DST: variants seen among roughly 807,000 people sequenced by gnomAD.
DST encodes the protein bullous pemphigoid antigen.
A neutral mutation model predicts 875.2 loss-of-function variants in DST; 253 were observed. That is an observed-to-expected ratio of 0.29 (90% CI 0.26 to 0.32). The LOEUF (loss-of-function observed/expected upper bound fraction) is 0.32. DST is among the 10% of genes least tolerant of loss of function. The pLI, the probability that DST is intolerant of heterozygous loss-of-function variation, is 1.00. For missense variants in DST, 8,287 were observed against 9,111.6 expected (o/e 0.91, Z 3.68); for synonymous variants, 3,124 against 3,197.1 (o/e 0.98, Z 0.77).
chr6:56,730,125 A>C (rs542873301), intron 5 of DST, among the ~76,000 whole-genome samples: 1 of 152,346 alleles, frequency 6.6e-6, no homozygotes, highest in African/African-American at 2.4e-5. Flanking sequence ...GTATTGAAGA[A>C]TATATTTCCA....
chr6:56,560,389 T>C lies in DST; in HGVS notation c.14345A>G (p.Lys4782Arg). ...FEAELKQNVNKVQELKDKLTE... is the reference protein window; with the variant it reads ...FEAELKQNVNRVQELKDKLTE... ...CAATTTGTCTTTCAACTCCTGTACT[T>C]TGTTTACATTCTGCTTCAGTTCTGC... Residue 4782 changes from lysine (K) to arginine (R), a missense_variant, in exon 58 of 104, where the codon AAA becomes AGA. Physicochemically the swap from Lys to Arg is conservative, Grantham distance 26. Coordinates refer to ENST00000680361, the MANE Select transcript of DST (RefSeq NM_001374736.1). 1 of 1,603,596 alleles carries C rather than the reference T, an allele frequency of 6.2e-7. No homozygotes were observed. The highest frequency in any genetic ancestry group is 8.5e-7 in the Non-Finnish European group (1 of 1,174,054).
intron 4 of DST, among the ~76,000 whole-genome samples, chr6:56,845,038 G>A (rs1024183234): frequency 8.5e-5 from 13 of 152,134 alleles, no homozygotes; most frequent in African/African-American, 3.1e-4. Context: ...TTAGAATAAT[G>A]TCTGGTGTTA....
rs926489495 is a variant in DST at position 56,653,846 on chromosome 6, G to A, written c.1215-2602C>T. ...CATCCAGAAGACGCCTGTGCTGTGT[G>A]TGTCCTGTCCACCACCTTCTTTCTT... On this transcript the variant is annotated intron_variant, in intron 10 of 103. Coordinates refer to ENST00000680361, the MANE Select transcript of DST (RefSeq NM_001374736.1). Among the ~76,000 whole-genome samples the A allele has an allele frequency of 2.0e-4, 30 of 152,326 alleles. 1 individual carries two copies. In the South Asian group the frequency reaches 6.0e-3, roughly 30 times the overall value.
At chr6:56,656,304 G>A (rs1419466319) in intron 10 of DST, among the ~76,000 whole-genome samples, 5 of 152,196 alleles carry the variant, frequency 3.3e-5, no homozygotes, top group Non-Finnish European at 5.9e-5. Context: ...AACAAACAGC[G>A]GTGAAGTATA....
chr6:56,890,763 A>G (rs773630341), intron 3 of DST, among the ~76,000 whole-genome samples: 23 of 152,218 alleles, frequency 1.5e-4, no homozygotes, highest in Admixed American at 9.8e-4. Flanking sequence ...AAAACTGCAC[A>G]GTCACGCTTT....
intron 3 of DST, among the ~76,000 whole-genome samples, chr6:56,881,858 A>C (rs904561877): frequency 2.0e-5 from 3 of 152,194 alleles, no homozygotes; most frequent in Non-Finnish European, 4.4e-5. Context: ...CATTTTATTA[A>C]ATGGGTGGCT....
chr6:56,600,161 TAAG>T lies in DST; in HGVS notation c.11599_11601del (p.Leu3867del), dbSNP rs758234449. On this transcript the variant is annotated inframe_deletion, in exon 45 of 104. Transcript: ENST00000680361. ...CCAATTAGGCGGTTTTCAGTTTGGGTAAGAAGATCACATATCCCTTGGAGTTTC... is the reference window on the plus strand; with the variant it reads ...CCAATTAGGCGGTTTTCAGTTTGGGTAAGATCACATATCCCTTGGAGTTTC... 1 of 1,613,042 alleles carries T rather than the reference TAAG, an allele frequency of 6.2e-7. No individual in the cohort carries two copies. Among genetic ancestry groups the T allele is most frequent in the East Asian group, 2.2e-5 (1 of 44,858 alleles).
chr6:56,485,421 G>C lies in DST; in HGVS notation c.21098C>G (p.Ala7033Gly). Residue 7033 changes from alanine to glycine, a missense_variant, in exon 88 of 104, where the codon GCC becomes GGC. This residue lies in a region of DST where 1,292 missense variants were observed against 1,552.7 expected (regional missense o/e 0.83). Transcript: ENST00000680361. Reference protein sequence around the residue: ...ALLFSGQFTDALQALIDWLYR... With the variant: ...ALLFSGQFTDGLQALIDWLYR... ...TAACCAATCAATGAGAGCCTGTAGGGCATCTGTGAATTGTCCAGAAAATAA... is the reference window on the plus strand; with the variant it reads ...TAACCAATCAATGAGAGCCTGTAGGCCATCTGTGAATTGTCCAGAAAATAA... 6.2e-7 allele frequency: 1 copy of C among 1,613,892 alleles called. No individual in the cohort carries two copies.
chr6:56,774,499 A>G (rs1288823564), intron 4 of DST, among the ~76,000 whole-genome samples: 1 of 152,198 alleles, frequency 6.6e-6, no homozygotes, highest in Non-Finnish European at 1.5e-5. Context: ...CATTCAACAC[A>G]TATCAGTTCA....
At chr6:56,568,864 T>C (rs1206423627) in intron 54 of DST, among the ~76,000 whole-genome samples, 4 of 152,178 alleles carry the variant, frequency 2.6e-5, no homozygotes, top group Non-Finnish European at 2.9e-5. Flanking sequence ...AGGCTATTCC[T>C]GGCTGCTATG....
At chr6:56,741,045 C>G (rs2099545101) in intron 4 of DST, among the ~76,000 whole-genome samples, 1 of 152,040 alleles carries the variant, frequency 6.6e-6, no homozygotes, top group African/African-American at 2.4e-5. Flanking sequence ...TAGATTTCTT[C>G]TTTTCTAAGT....
At position 56,714,152 on chromosome 6, in the gene DST, G is replaced by A. The variant is rs1329802856; in HGVS notation, c.688-9783C>T. On this transcript the variant is annotated intron_variant, in intron 5 of 103. Coordinates refer to ENST00000680361, the MANE Select transcript of DST (RefSeq NM_001374736.1). This position sits in a 1 kb window ranked among gnomAD's most constrained non-coding sequence, Gnocchi z 4.5. ...TGACACTCCATGTCCCCAGTACCAC[G>A]ATTCATATTTTTCTAAAATAAAACC... Among the ~76,000 whole-genome samples, 5 of 152,092 alleles carry A rather than the reference G, an allele frequency of 3.3e-5. No homozygotes were observed. The East Asian group carries it at 5.8e-4, about 18-fold the overall frequency.
At chr6:56,640,082 T>A in intron 18 of DST, 25 bp from the exon 19 acceptor site, 1 of 1,613,920 alleles carries the variant, frequency 6.2e-7, no homozygotes, top group South Asian at 1.1e-5. Context: ...ATACTAAGTT[T>A]AAAAAAGAAA....
chr6:56,791,333 A>C (rs947695721), intron 4 of DST, among the ~76,000 whole-genome samples: 2 of 152,214 alleles, frequency 1.3e-5, no homozygotes, highest in Non-Finnish European at 2.9e-5. Context: ...TGTATTGTGT[A>C]TATTGTAGGT....
chr6:56,602,766 CAAAG>C, intron 43 of DST, 112 bp downstream of exon 43: 2 of 743,852 alleles, frequency 2.7e-6, no homozygotes, highest in East Asian at 3.1e-5. Context: ...TCTCTAGAGA[CAAAG>C]AAAGGAAATA....
intron 4 of DST, among the ~76,000 whole-genome samples, chr6:56,770,688 A>G (rs1389251791): frequency 6.6e-6 from 1 of 152,110 alleles, no homozygotes; most frequent in Admixed American, 6.5e-5. Flanking sequence ...CTTACAGTAA[A>G]ACCTGCTGCC....
chr6:56,832,126 CA>C lies in DST; in HGVS notation c.625+19270del, dbSNP rs1055057192. On this transcript the variant is annotated intron_variant, in intron 4 of 103. Coordinates refer to ENST00000680361, the MANE Select transcript of DST (RefSeq NM_001374736.1). ...TCCTTCAGTCCTGCTTTAGACCTTC[CA>C]AAAAGGTTCAAAGAAAAAGTATAAA... Among the ~76,000 whole-genome samples the C allele has an allele frequency of 2.6e-4, 39 of 152,008 alleles. 1 individual carries two copies. Among genetic ancestry groups the C allele is most frequent in the Non-Finnish European group, 8.8e-5 (6 of 67,984 alleles).
At chr6:56,533,281 C>T (rs2096929292) in intron 63 of DST, among the ~76,000 whole-genome samples, 1 of 152,200 alleles carries the variant, frequency 6.6e-6, no homozygotes. Context: ...CTAATCTAAT[C>T]AAACAAATGG....
At chr6:56,834,362 GC>G (rs1304255323) in intron 4 of DST, among the ~76,000 whole-genome samples, 3 of 152,230 alleles carry the variant, frequency 2.0e-5, no homozygotes, top group African/African-American at 7.2e-5. Context: ...ACTTTGGGAG[GC>G]CAAGGCGGGC....
Sources: gnomAD v4.1 joint callset for allele counts (sites outside exome capture counted in the v4.1 genomes callset) on GRCh38, gnomAD v4.1.1 for gene constraint, gnomAD v4.1.1 regional missense constraint, Gnocchi (gnomAD v3.1) non-coding constraint, MANE v1.5 for transcripts, NCBI Gene and HGNC (gene_info 2026-07-23, HGNC 2026-07-21) for gene names.